The following CFAP47 variants were observed in gnomAD, a reference collection of about 807,000 sequenced individuals.
CFAP47 encodes the protein cilia- and flagella-associated protein 47.
A neutral mutation model predicts 148.1 loss-of-function variants in CFAP47; 29 were observed. The observed-to-expected ratio is 0.20, with a 90% CI of 0.15 to 0.27. CFAP47 has a LOEUF of 0.27. Among genes scored for constraint, CFAP47 ranks in the 10% least tolerant of loss-of-function variants. CFAP47 has a pLI of 1.00. For missense variants in CFAP47, 1,872 were observed against 1,697.5 expected (o/e 1.10, Z -1.81); for synonymous variants, 664 against 577.3 (o/e 1.15, Z -2.15).
At chrX:36,121,960 C>T (rs1052711813) in intron 33 of CFAP47, among the ~76,000 whole-genome samples, 2 of 111,661 alleles carry the variant, frequency 1.8e-5, no homozygotes, top group African/African-American at 3.3e-5. Context: ...TCTTGTAGAA[C>T]ATGTATGGTG....
intron 37 of CFAP47, among the ~76,000 whole-genome samples, chrX:36,152,231 T>TATTGAC (rs761987639): frequency 9.0e-6 from 1 of 111,580 alleles, no homozygotes; most frequent in East Asian, 2.8e-4. Flanking sequence ...GCAATCAAGG[T>TATTGAC]ATTGACATAT....
At chrX:36,286,796 C>G (rs1941137863) in intron 51 of CFAP47, among the ~76,000 whole-genome samples, 1 of 111,270 alleles carries the variant, frequency 9.0e-6, no homozygotes, top group Non-Finnish European at 1.9e-5. Flanking sequence ...GAGAAATTGG[C>G]TTTCTTATTA....
At chrX:36,165,698 T>G (rs1225225085) in intron 39 of CFAP47, among the ~76,000 whole-genome samples, 1 of 111,676 alleles carries the variant, frequency 9.0e-6, no homozygotes, top group Non-Finnish European at 1.9e-5. Flanking sequence ...CTACAGAAAT[T>G]TATGTTCTTA....
intron 39 of CFAP47, among the ~76,000 whole-genome samples, chrX:36,161,011 C>T (rs752240510): frequency 9.1e-6 from 1 of 109,857 alleles, no homozygotes; most frequent in African/African-American, 3.3e-5. Flanking sequence ...CCACACCCAG[C>T]TAATTTTTGT....
intron 55 of CFAP47, among the ~76,000 whole-genome samples, chrX:36,309,709 G>A (rs1287400905): frequency 9.0e-6 from 1 of 110,987 alleles, no homozygotes; most frequent in Non-Finnish European, 1.9e-5. Context: ...AAAGTAACAC[G>A]AGTTCTCCCA....
At chrX:36,374,948 C>G in intron 62 of CFAP47, 1 of 531,837 alleles carries the variant, frequency 1.9e-6, no homozygotes, top group South Asian at 2.3e-5. Flanking sequence ...AGTTGCACAT[C>G]AAATCTGGGC....
intron 57 of CFAP47, among the ~76,000 whole-genome samples, chrX:36,333,457 G>A (rs142551061): frequency 0.022 from 2,437 of 110,697 alleles, 39 homozygotes; most frequent in Non-Finnish European, 0.033. Flanking sequence ...TGGAGGTAGG[G>A]AAGCTGTCCT....
chrX:36,186,585 C>T (rs1478862182), intron 40 of CFAP47, among the ~76,000 whole-genome samples: 2 of 111,596 alleles, frequency 1.8e-5, no homozygotes, highest in Admixed American at 1.9e-4. Flanking sequence ...GAATGTCTGT[C>T]CTGAATTAAC....
chrX:36,128,513 A>G (rs1321853865), intron 33 of CFAP47, among the ~76,000 whole-genome samples: 1 of 111,342 alleles, frequency 9.0e-6, no homozygotes, highest in Non-Finnish European at 1.9e-5. Context: ...TTTAAATTCT[A>G]CAATATTGCT....
chrX:36,188,244 T>C (rs781937003), intron 40 of CFAP47, among the ~76,000 whole-genome samples: 2 of 111,900 alleles, frequency 1.8e-5, no homozygotes, highest in South Asian at 7.4e-4. Context: ...CTAGAACCAC[T>C]TTTGGAAAAA....
At chrX:36,010,582 C>T (rs1189324921) in intron 21 of CFAP47, among the ~76,000 whole-genome samples, 2 of 109,101 alleles carry the variant, frequency 1.8e-5, no homozygotes, top group Non-Finnish European at 3.8e-5. Flanking sequence ...CTCAGCCTCC[C>T]GAGTAGCTGG....
At chrX:36,095,397 TATA>T (rs1346096060) in intron 30 of CFAP47, among the ~76,000 whole-genome samples, 1 of 112,320 alleles carries the variant, frequency 8.9e-6, no homozygotes, top group African/African-American at 3.2e-5. Flanking sequence ...AGTGTCCTCA[TATA>T]ATGATTTTGG....
intron 62 of CFAP47, among the ~76,000 whole-genome samples, chrX:36,369,935 T>C (rs781859193): frequency 1.8e-5 from 2 of 111,429 alleles, no homozygotes; most frequent in Non-Finnish European, 3.8e-5. Context: ...CAGTGGAGTA[T>C]GCTAACTTGA....
chrX:36,211,835 G>A lies in CFAP47; in HGVS notation c.6817+6725G>A, dbSNP rs782535235. Among the ~76,000 whole-genome samples the A allele has an allele frequency of 7.2e-5, 8 of 111,373 alleles. No homozygotes were observed. The South Asian group carries it at 3.0e-3, about 42-fold the overall frequency. ...TAAAGAAAAAAAATTGAAATGTAAG[G>A]CTGTGTAAGATTTGTTTTTTAACTG... On this transcript the variant is annotated intron_variant, in intron 45 of 63. Coordinates refer to ENST00000378653, the MANE Select transcript of CFAP47 (RefSeq NM_001304548.2).
intron 45 of CFAP47, among the ~76,000 whole-genome samples, chrX:36,216,459 G>A (rs782432570): frequency 2.5e-4 from 28 of 111,193 alleles, no homozygotes; most frequent in African/African-American, 8.5e-4. Context: ...TGCTGGATCT[G>A]TTAGCCCTGG....
In CFAP47 at chrX:36,267,823, A is replaced by C. The variant is rs1170428399; in HGVS notation, c.7445-12664A>C. Among the ~76,000 whole-genome samples the C allele has an allele frequency of 2.7e-5, 3 of 112,267 alleles. No homozygotes were observed. The East Asian group carries it at 8.4e-4, about 32-fold the overall frequency. ...GGTGACAGGAGTGATTTTTAAAAGC[A>C]AGACCTTGAGGCATTGTGGAGATCG... On this transcript the variant is annotated intron_variant, in intron 49 of 63. Coordinates refer to ENST00000378653, the MANE Select transcript of CFAP47 (RefSeq NM_001304548.2).
intron 26 of CFAP47, among the ~76,000 whole-genome samples, chrX:36,062,622 C>T (rs1937603653): frequency 9.0e-6 from 1 of 110,830 alleles, no homozygotes; most frequent in Admixed American, 9.7e-5. Context: ...ATTTCATCCA[C>T]AGAATACTTA....
At chrX:36,231,899 A>T (rs1436352748) in intron 46 of CFAP47, among the ~76,000 whole-genome samples, 2 of 111,672 alleles carry the variant, frequency 1.8e-5, no homozygotes, top group Non-Finnish European at 1.9e-5. Flanking sequence ...GGTTCTGCTT[A>T]TATGCTGGAT....
At chrX:36,323,111 T>C (rs1161025325) in intron 57 of CFAP47, among the ~76,000 whole-genome samples, 1 of 111,143 alleles carries the variant, frequency 9.0e-6, no homozygotes, top group African/African-American at 3.3e-5. Flanking sequence ...AACATTTTCT[T>C]GGTGAATATT....
Sources: allele counts gnomAD v4.1 joint callset (sites outside exome capture counted in the v4.1 genomes callset), GRCh38; gene constraint gnomAD v4.1.1; transcripts MANE v1.5; gene names NCBI Gene and HGNC (gene_info 2026-07-23, HGNC 2026-07-21).